The following SLF1 variants were observed in gnomAD, a reference collection of about 807,000 sequenced individuals.
The protein encoded by SLF1 is SMC5/6 complex localization factor 1.
Under a neutral mutation model 123.0 loss-of-function variants are expected in SLF1, and 105 were observed. The ratio of observed to expected loss-of-function variants is 0.85; its 90% confidence interval spans 0.73 to 1.00. SLF1 has a LOEUF of 1.00. Ranked by LOEUF, SLF1 falls within the 50% of genes least tolerant of loss-of-function variation. SLF1 has a pLI of 0.00. For synonymous variants in SLF1, 434 were observed against 406.6 expected (o/e 1.07, Z -0.81); for missense variants, 1,239 against 1,223.0 (o/e 1.01, Z -0.20).
intron 1 of SLF1, chr5:94,619,951 T>G (rs1347069573): frequency 1.3e-5 from 2 of 152,230 alleles, no homozygotes; most frequent in Non-Finnish European, 2.9e-5. Flanking sequence ...GCCTATCGGC[T>G]CACTGCAACC....
intron 4 of SLF1, 55 bp downstream of exon 4, chr5:94,630,798 T>C (rs1745112029): frequency 2.7e-6 from 4 of 1,508,412 alleles, no homozygotes; most frequent in Non-Finnish European, 3.6e-6. Flanking sequence ...AATTTTGATT[T>C]GCATGAGTAC....
intron 15 of SLF1, among the ~76,000 whole-genome samples, chr5:94,681,048 T>C (rs1375675470): frequency 6.6e-6 from 1 of 152,194 alleles, no homozygotes; most frequent in Non-Finnish European, 1.5e-5. Flanking sequence ...TGTACACGTG[T>C]GCATGTGCAC....
chr5:94,648,029 A>G (rs1355621416), intron 5 of SLF1, among the ~76,000 whole-genome samples: 1 of 152,166 alleles, frequency 6.6e-6, no homozygotes. Flanking sequence ...CATAATGAGA[A>G]TGTATATGGG....
chr5:94,663,614 C>A, intron 10 of SLF1, 136 bp from the exon 11 acceptor site: 1 of 793,556 alleles, frequency 1.3e-6, no homozygotes, highest in Non-Finnish European at 1.9e-6. Flanking sequence ...CACTGCATTC[C>A]AGCCTGGGTA....
intron 15 of SLF1, among the ~76,000 whole-genome samples, chr5:94,681,577 A>G (rs533699677): frequency 6.6e-6 from 1 of 152,260 alleles, no homozygotes; most frequent in East Asian, 1.9e-4. Flanking sequence ...TACATGTGCC[A>G]TGCTGGTGCG....
At chr5:94,646,052 A>G (rs1747004942) in intron 5 of SLF1, among the ~76,000 whole-genome samples, 1 of 152,108 alleles carries the variant, frequency 6.6e-6, no homozygotes, top group African/African-American at 2.4e-5. Context: ...GGAGTTTGAG[A>G]CCAGCCTAAG....
intron 15 of SLF1, among the ~76,000 whole-genome samples, chr5:94,684,131 T>C (rs1286871283): frequency 6.6e-6 from 1 of 152,220 alleles, no homozygotes. Flanking sequence ...TAAATTTCAA[T>C]GTGAGATCAA....
intron 16 of SLF1, among the ~76,000 whole-genome samples, chr5:94,687,559 G>T (rs1752580136): frequency 6.6e-6 from 1 of 152,108 alleles, no homozygotes; most frequent in African/African-American, 2.4e-5. Flanking sequence ...GCTGGGCATG[G>T]TGGCACATGC....
intron 14 of SLF1, among the ~76,000 whole-genome samples, chr5:94,672,808 G>T (rs2152490961): frequency 6.6e-6 from 1 of 152,118 alleles, no homozygotes; most frequent in East Asian, 1.9e-4. Context: ...TGTTGTTTTT[G>T]CTGTTTCCTT....
chr5:94,666,064 G>A (rs1244019486), intron 12 of SLF1, 40 bp downstream of exon 12: 2 of 1,478,106 alleles, frequency 1.4e-6, no homozygotes, highest in Middle Eastern at 1.7e-4. Context: ...ATTTCATTGA[G>A]TAGTTGTTAT....
At chr5:94,680,326 G>C (rs1168115621) in intron 15 of SLF1, among the ~76,000 whole-genome samples, 1 of 152,058 alleles carries the variant, frequency 6.6e-6, no homozygotes, top group African/African-American at 2.4e-5. Context: ...TTGAGCTGAG[G>C]GGGTGATTAC....
chr5:94,687,862 T>C (rs1456099342), intron 16 of SLF1, among the ~76,000 whole-genome samples: 1 of 152,078 alleles, frequency 6.6e-6, no homozygotes, highest in Non-Finnish European at 1.5e-5. Context: ...CCAACAAAAT[T>C]CTAAATGGTA....
chr5:94,667,939 G>A (rs1387143324), intron 12 of SLF1, among the ~76,000 whole-genome samples: 1 of 151,496 alleles, frequency 6.6e-6, no homozygotes, highest in African/African-American at 2.4e-5. Context: ...GTAGAAATGG[G>A]GTTTTACCAT....
At chr5:94,651,462 TCAG>T (rs1204408901) in intron 6 of SLF1, among the ~76,000 whole-genome samples, 1 of 152,228 alleles carries the variant, frequency 6.6e-6, no homozygotes, top group African/African-American at 2.4e-5. Context: ...TAATCGGAAT[TCAG>T]CACATAGGTA....
At chr5:94,682,871 A>T (rs1751974067) in intron 15 of SLF1, among the ~76,000 whole-genome samples, 1 of 152,246 alleles carries the variant, frequency 6.6e-6, no homozygotes, top group African/African-American at 2.4e-5. Flanking sequence ...ACCAGACAGT[A>T]AATATTACTG....
intron 15 of SLF1, among the ~76,000 whole-genome samples, chr5:94,684,593 G>T (rs984229572): frequency 6.6e-6 from 1 of 151,440 alleles, no homozygotes; most frequent in Non-Finnish European, 1.5e-5. Context: ...AGCTACTCGG[G>T]AGCCTGAGCC....
chr5:94,682,417 CT>C (rs1263192537), intron 15 of SLF1, among the ~76,000 whole-genome samples: 2 of 152,036 alleles, frequency 1.3e-5, no homozygotes, highest in South Asian at 2.1e-4. Context: ...CTATCTTTTG[CT>C]TTTCCCAAGT....
intron 4 of SLF1, among the ~76,000 whole-genome samples, chr5:94,632,881 G>A (rs1455257726): frequency 6.6e-6 from 1 of 151,768 alleles, no homozygotes; most frequent in Non-Finnish European, 1.5e-5. Context: ...AGTACAGGTG[G>A]GGTTTCACTG....
chr5:94,674,574 C>G (rs922507567), intron 14 of SLF1, among the ~76,000 whole-genome samples: 1 of 152,166 alleles, frequency 6.6e-6, no homozygotes. Flanking sequence ...CATGCATGTT[C>G]ACAGACATCA....
Sources: allele counts gnomAD v4.1 joint callset (sites outside exome capture counted in the v4.1 genomes callset), GRCh38; gene constraint gnomAD v4.1.1; transcripts MANE v1.5; gene names NCBI Gene and HGNC (gene_info 2026-07-23, HGNC 2026-07-21).